The following GNL2 variants were observed in gnomAD, a reference collection of about 807,000 sequenced individuals.
The protein encoded by GNL2 is nucleolar GTP-binding protein 2.
In GNL2, 51 loss-of-function variants were observed where a neutral mutation model predicts 92.3. The ratio of observed to expected loss-of-function variants is 0.55; its 90% confidence interval spans 0.44 to 0.70. GNL2 has a LOEUF of 0.70. GNL2 is among the 30% of genes least tolerant of loss of function. The pLI, the probability that GNL2 is intolerant of heterozygous loss-of-function variation, is 0.00. For missense variants in GNL2, 844 were observed against 895.6 expected (o/e 0.94, Z 0.74); for synonymous variants, 283 against 300.6 (o/e 0.94, Z 0.61).
intron 8 of GNL2, among the ~76,000 whole-genome samples, chr1:37,581,958 C>T (rs1202924357): frequency 2.0e-5 from 3 of 151,770 alleles, no homozygotes; most frequent in Middle Eastern, 3.5e-3. Flanking sequence ...CCACCGCGCC[C>T]GGCCACATCT....
intron 4 of GNL2, among the ~76,000 whole-genome samples, chr1:37,590,128 C>G (rs1229353928): frequency 6.6e-6 from 1 of 152,054 alleles, no homozygotes; most frequent in Non-Finnish European, 1.5e-5. Flanking sequence ...TTTTTTTAGA[C>G]GGAGTTTCGC....
intron 1 of GNL2, among the ~76,000 whole-genome samples, chr1:37,595,018 C>G (rs958709271): frequency 1.1e-4 from 17 of 152,204 alleles, no homozygotes; most frequent in African/African-American, 3.1e-4. Context: ...AGTCTCTTCA[C>G]CTGTAAAATC....
chr1:37,582,373 G>A lies in GNL2; in HGVS notation c.796-37C>T, dbSNP rs747078418. The A allele has an allele frequency of 2.1e-5, 26 of 1,250,642 alleles. 1 individual carries two copies. In the South Asian group the frequency reaches 2.3e-4, roughly 11 times the overall value. 77.5% of individuals were successfully genotyped at this position (1,250,642 alleles called of 1,614,324 possible). ...GATGAAAACATTTTGGTAAACTGCA[G>A]TACATTTATTTACATTATGTGGAAG... On this transcript the variant is annotated intron_variant, in intron 7 of 15. Transcript: ENST00000373062.
At chr1:37,578,284 C>T (rs1256658989) in intron 8 of GNL2, among the ~76,000 whole-genome samples, 2 of 151,982 alleles carry the variant, frequency 1.3e-5, no homozygotes, top group Admixed American at 1.3e-4. Context: ...ACTCAAAATA[C>T]AAAAATTAAC....
chr1:37,568,865 C>G lies in GNL2; in HGVS notation c.1854G>C (p.Lys618Asn). 6.2e-7 allele frequency: 1 copy of G among 1,611,334 alleles called. No individual in the cohort carries two copies. The highest frequency in any genetic ancestry group is 1.1e-5 in the South Asian group (1 of 90,504). Residue 618 changes from lysine to asparagine, a missense_variant, in exon 13 of 16, where the codon AAG (lysine) becomes AAC (asparagine). Coordinates refer to ENST00000373062, the MANE Select transcript of GNL2 (RefSeq NM_013285.3). ...GAAAATATTACCTGACTGCTGAAAACTTTTTGGCTTTGGCTTTGTCTAGAA... is the reference window on the plus strand; with the variant it reads ...GAAAATATTACCTGACTGCTGAAAAGTTTTTGGCTTTGGCTTTGTCTAGAA... Reference protein sequence around the residue: ...QKFLDKAKAKKFSAVRISKGL... With the variant: ...QKFLDKAKAKNFSAVRISKGL...
intron 15 of GNL2, 111 bp downstream of exon 15, chr1:37,567,562 C>T (rs952007024): frequency 2.2e-5 from 17 of 783,612 alleles, no homozygotes; most frequent in Admixed American, 1.2e-4. Flanking sequence ...ACTAGGTCAA[C>T]GAGGACTGGG....
intron 9 of GNL2, chr1:37,576,127 A>G: frequency 3.0e-6 from 1 of 334,802 alleles, no homozygotes; most frequent in Non-Finnish European, 5.5e-6. Context: ...CAGGCATCAA[A>G]TATTCTTGGG....
At chr1:37,568,730 A>G (rs1167795966) in intron 13 of GNL2, 121 bp downstream of exon 13, 5 of 771,544 alleles carry the variant, frequency 6.5e-6, no homozygotes, top group African/African-American at 1.7e-5. Context: ...CAAACAAACA[A>G]AAAACCCAAC....
At chr1:37,569,489 C>G in intron 12 of GNL2, 187 bp from the exon 13 acceptor site, 4 of 574,956 alleles carry the variant, frequency 7.0e-6, no homozygotes, top group Non-Finnish European at 1.2e-5. Flanking sequence ...GAGATCAGTA[C>G]TAGGATCAAA....
Position 37,593,757 on chromosome 1 carries a change from C to G in GNL2, c.149+5G>C. The G allele has an allele frequency of 3.1e-6, 5 of 1,607,338 alleles. No individual in the cohort carries two copies. Among genetic ancestry groups the G allele is most frequent in the Non-Finnish European group, 4.3e-6 (5 of 1,173,946 alleles). Reference sequence around the variant, plus strand: ...AGAGAAAGGATGACAGCACCCAGTGCTCACCTGCGCTCCTTTTGCCTATAC... The same window carrying G: ...AGAGAAAGGATGACAGCACCCAGTGGTCACCTGCGCTCCTTTTGCCTATAC... On this transcript the variant is annotated splice_donor_5th_base_variant and intron_variant, in intron 2 of 15. Transcript: ENST00000373062.
At chr1:37,583,190 T>C in intron 6 of GNL2, 1 of 284,544 alleles carries the variant, frequency 3.5e-6, no homozygotes, top group Non-Finnish European at 6.5e-6. Context: ...ATTTCCTAAC[T>C]ACTATGGATT....
intron 3 of GNL2, among the ~76,000 whole-genome samples, chr1:37,591,829 A>G (rs181132304): frequency 3.9e-5 from 6 of 152,278 alleles, no homozygotes; most frequent in Admixed American, 3.9e-4. Flanking sequence ...TTTGATTACC[A>G]TGACAGTCTT....
intron 8 of GNL2, 134 bp downstream of exon 8, chr1:37,582,089 T>A: frequency 1.8e-6 from 1 of 571,066 alleles, no homozygotes; most frequent in Non-Finnish European, 3.1e-6. Context: ...GCGTCCTGAG[T>A]AGCTAGGACT....
In GNL2 at chr1:37,574,715, C is replaced by T; in HGVS notation, c.1252G>A (p.Ala418Thr). Residue 418 changes from alanine to threonine, a missense_variant, in exon 11 of 16, where the codon GCT (alanine) becomes ACT (threonine). Ala to Thr is a moderately conservative substitution (Grantham distance 58, BLOSUM62 0). Transcript: ENST00000373062. Reference protein sequence around the residue: ...KTYKIDSWENAEDFLEKLAFR... With the variant: ...KTYKIDSWENTEDFLEKLAFR... ...GCGAGCTTCTCAAGAAAGTCCTCAG[C>T]ATTCTCCCAAGAATCAATCTTGTAT... 1 of 1,614,032 alleles carries T rather than the reference C, an allele frequency of 6.2e-7. No homozygotes were observed. Among genetic ancestry groups the T allele is most frequent in the East Asian group, 2.2e-5 (1 of 44,894 alleles).
chr1:37,587,446 C>A lies in GNL2; in HGVS notation c.434G>T (p.Gly145Val), dbSNP rs1320472488. Residue 145 changes from glycine to valine, a missense_variant, in exon 5 of 16, where the codon GGC (glycine) becomes GTC (valine). Transcript: ENST00000373062. ...LDTESFETTF[G>V]PKSQRKRPNL... ...TGGTCGTTTCCTCTGTGACTTAGGG[C>A]CAAATGTAGTTTCAAAACTTTCAGT... The A allele has an allele frequency of 6.2e-7, 1 of 1,612,704 alleles. No individual in the cohort carries two copies. The highest frequency in any genetic ancestry group is 1.3e-5 in the African/African-American group (1 of 74,802).
intron 15 of GNL2, 36 bp from the exon 16 acceptor site, chr1:37,567,043 A>C (rs929429018): frequency 1.1e-5 from 17 of 1,599,740 alleles, no homozygotes; most frequent in Non-Finnish European, 6.0e-6. Flanking sequence ...AAGAAAAAAA[A>C]CAACAAAACC....
chr1:37,575,775 G>T lies in GNL2; in HGVS notation c.1039-76C>A, dbSNP rs1643668600. On this transcript the variant is annotated intron_variant, in intron 9 of 15. Transcript: ENST00000373062. This position sits in a 1 kb window ranked among gnomAD's most constrained non-coding sequence, Gnocchi z 4.1. The stretch of plus-strand genomic sequence containing the variant: ...AATTTCACAAACCCCTGATGCTCAT[G>T]TATGAAGCTGGAAAGGAGGAAGGGG... The T allele has an allele frequency of 1.1e-6, 1 of 881,432 alleles. No individual in the cohort carries two copies. Among genetic ancestry groups the T allele is most frequent in the Admixed American group, 2.7e-5 (1 of 36,634 alleles). The allele number at this position is 881,432 out of a possible 1,614,324, so 54.6% of individuals were successfully genotyped here.
At chr1:37,592,918 G>T (rs1643896577) in intron 2 of GNL2, 112 bp from the exon 3 acceptor site, 2 of 675,386 alleles carry the variant, frequency 3.0e-6, no homozygotes, top group Admixed American at 4.7e-5. Context: ...GGTTTTAAAT[G>T]ATCATGAAAT....
At position 37,568,905 on chromosome 1, in the gene GNL2, G is replaced by C. The variant is rs144297344; in HGVS notation, c.1814C>G (p.Ala605Gly). ...AVIKALDEKI[A>G]KYQKFLDKAK... ...TTTGTCTAGAAACTTCTGATATTTGGCAATCTTCTCATCCAGTGCTTTAAT... is the reference window on the plus strand; with the variant it reads ...TTTGTCTAGAAACTTCTGATATTTGCCAATCTTCTCATCCAGTGCTTTAAT... Residue 605 changes from alanine (A) to glycine (G), a missense_variant, in exon 13 of 16, where the codon GCC becomes GGC. Coordinates refer to ENST00000373062, the MANE Select transcript of GNL2 (RefSeq NM_013285.3). The C allele has an allele frequency of 1.1e-5, 18 of 1,613,928 alleles. No individual in the cohort carries two copies. In the African/African-American group the frequency reaches 2.3e-4, roughly 20 times the overall value.
Sources: allele counts gnomAD v4.1 joint callset (sites outside exome capture counted in the v4.1 genomes callset), GRCh38; gene constraint gnomAD v4.1.1; non-coding constraint Gnocchi (gnomAD v3.1); transcripts MANE v1.5; gene names NCBI Gene and HGNC (gene_info 2026-07-23, HGNC 2026-07-21).